Variants in MAP4 observed in about 807,000 individuals in gnomAD.
MAP4 encodes the protein microtubule associated protein 4, also known as microtubule-associated protein 4.
MAP4 carries 76 observed loss-of-function variants against 170.2 expected under a neutral mutation model. The observed-to-expected ratio is 0.45, with a 90% CI of 0.37 to 0.54. The LOEUF is 0.54. Among genes scored for constraint, MAP4 ranks in the 20% least tolerant of loss-of-function variants. The probability of loss-of-function intolerance (pLI) is 0.00; values close to 1 mark genes in which losing one functional copy is unlikely to be tolerated. For synonymous variants in MAP4, 909 were observed against 994.5 expected (o/e 0.91, Z 1.62); for missense variants, 2,506 against 2,748.0 (o/e 0.91, Z 1.97).
At chr3:48,059,613 C>T (rs1236338132) in intron 1 of MAP4, among the ~76,000 whole-genome samples, 1 of 147,748 alleles carries the variant, frequency 6.8e-6, no homozygotes, top group African/African-American at 2.5e-5. Flanking sequence ...TCCATATGAA[C>T]ACATGAAATC....
chr3:47,891,917 G>A lies in MAP4; in HGVS notation c.5434+11033C>T. The A allele has an allele frequency of 2.6e-6, 4 of 1,536,170 alleles. No individual in the cohort carries two copies. The South Asian group carries it at 3.6e-5, about 14-fold the overall frequency. On this transcript the variant is annotated intron_variant, in intron 10 of 20. Coordinates refer to ENST00000683076, the MANE Select transcript of MAP4 (RefSeq NM_001385682.1). The stretch of plus-strand genomic sequence containing the variant: ...TTCCCTTGAGCCCAGAGAGCCTTGA[G>A]CCACTGGATGAAAGCTGGGGTTCCA...
chr3:47,973,191 G>T, intron 3 of MAP4: 2 of 982,006 alleles, frequency 2.0e-6, no homozygotes, highest in Non-Finnish European at 2.4e-6. Flanking sequence ...TACAAACTTA[G>T]GTATACGAAT....
At position 47,909,995 on chromosome 3, in the gene MAP4, AT is replaced by A; in HGVS notation, c.4425del (p.Lys1475AsnfsTer3). 1 of 1,613,994 alleles carries A rather than the reference AT, an allele frequency of 6.2e-7. No individual in the cohort carries two copies. Among genetic ancestry groups the A allele is most frequent in the Non-Finnish European group, 8.5e-7 (1 of 1,179,890 alleles). On this transcript the variant is annotated frameshift_variant, in exon 9 of 21. Transcript: ENST00000683076. LOFTEE classifies it high-confidence loss of function. The stretch of plus-strand genomic sequence containing the variant: ...TTGGTGTAGTTATCTACCATTAATG[AT>A]TTGGAAATCTGGGCTGGGGCTATCT... Reference protein sequence around the residue: ...GQEIAPAQISKSLMVDNYTKD... With the variant: ...GQEIAPAQISXSLMVDNYTKD...
At chr3:48,005,887 C>T (rs1458601489) in intron 1 of MAP4, among the ~76,000 whole-genome samples, 2 of 152,220 alleles carry the variant, frequency 1.3e-5, no homozygotes, top group African/African-American at 4.8e-5. Context: ...AGGGGAATAA[C>T]TGGATCCCAA....
intron 3 of MAP4, chr3:47,973,768 G>GT: frequency 1.0e-6 from 1 of 985,378 alleles, no homozygotes; most frequent in Non-Finnish European, 1.2e-6. Context: ...ACTACTACCA[G>GT]TTTTGAAAAG....
At chr3:47,926,876 A>C (rs2100046305) in intron 4 of MAP4, among the ~76,000 whole-genome samples, 1 of 152,070 alleles carries the variant, frequency 6.6e-6, no homozygotes, top group South Asian at 2.1e-4. Context: ...TGGTACTGTG[A>C]ATTATTGGCC....
intron 1 of MAP4, among the ~76,000 whole-genome samples, chr3:48,065,488 C>A (rs574999250): frequency 6.6e-6 from 1 of 152,134 alleles, no homozygotes; most frequent in Admixed American, 6.5e-5. Flanking sequence ...GAAATCAAGG[C>A]CCTGGGCCCT....
chr3:48,068,012 C>A (rs1462564685), intron 1 of MAP4, among the ~76,000 whole-genome samples: 3 of 151,906 alleles, frequency 2.0e-5, no homozygotes, highest in Non-Finnish European at 4.4e-5. Flanking sequence ...TACCTGTAAT[C>A]CCAGCACTTT....
chr3:47,987,157 C>T (rs1172208178), intron 2 of MAP4, among the ~76,000 whole-genome samples: 1 of 152,146 alleles, frequency 6.6e-6, no homozygotes, highest in East Asian at 1.9e-4. Context: ...GTCACTGTAA[C>T]CTTTGATTTC....
intron 2 of MAP4, among the ~76,000 whole-genome samples, chr3:47,997,837 A>G (rs1450004658): frequency 6.6e-6 from 1 of 152,186 alleles, no homozygotes; most frequent in Non-Finnish European, 1.5e-5. Context: ...TTATGCCAGG[A>G]AAGGGACCAA....
At chr3:47,896,070 G>C (rs1189051530) in intron 10 of MAP4, among the ~76,000 whole-genome samples, 1 of 152,176 alleles carries the variant, frequency 6.6e-6, no homozygotes, top group Non-Finnish European at 1.5e-5. Context: ...AAGACATCAT[G>C]TCAGCCAGGT....
At chr3:47,893,500 C>A (rs73087122) in intron 10 of MAP4, among the ~76,000 whole-genome samples, 1 of 152,142 alleles carries the variant, frequency 6.6e-6, no homozygotes, top group Non-Finnish European at 1.5e-5. Flanking sequence ...GAGCTTACTG[C>A]CCCCATTTAA....
intron 3 of MAP4, among the ~76,000 whole-genome samples, chr3:47,936,250 G>A (rs191927129): frequency 5.3e-4 from 80 of 151,850 alleles, no homozygotes; most frequent in Non-Finnish European, 9.4e-4. Flanking sequence ...CCCGACCAAC[G>A]TGGTGAAAAC....
chr3:47,996,553 T>A (rs1290688114), intron 2 of MAP4, among the ~76,000 whole-genome samples: 1 of 152,006 alleles, frequency 6.6e-6, no homozygotes, highest in Admixed American at 6.6e-5. Flanking sequence ...ACTCTAAGCA[T>A]AGAATTAAAG....
chr3:47,924,958 C>T (rs1426084957), intron 4 of MAP4, among the ~76,000 whole-genome samples: 2 of 151,968 alleles, frequency 1.3e-5, no homozygotes, highest in Non-Finnish European at 2.9e-5. Context: ...CTACAGGCAT[C>T]CGCCACCACA....
At chr3:47,875,977 T>G in intron 11 of MAP4, 77 bp from the exon 12 acceptor site, 1 of 1,087,792 alleles carries the variant, frequency 9.2e-7, no homozygotes, top group Non-Finnish European at 1.4e-6. Context: ...TAAAAACAAA[T>G]TAAAAAAAGT....
intron 17 of MAP4, among the ~76,000 whole-genome samples, chr3:47,866,638 C>A (rs770595575): frequency 6.6e-6 from 1 of 151,684 alleles, no homozygotes; most frequent in Non-Finnish European, 1.5e-5. Flanking sequence ...CCTGCAGTCC[C>A]GGCTACTCGG....
At chr3:47,883,973 C>T (rs997323709) in intron 10 of MAP4, among the ~76,000 whole-genome samples, 3 of 152,078 alleles carry the variant, frequency 2.0e-5, no homozygotes, top group African/African-American at 7.2e-5. Context: ...GGCATGATTT[C>T]TCCACATTTA....
At chr3:48,071,549 A>G (rs2100141034) in intron 1 of MAP4, among the ~76,000 whole-genome samples, 1 of 152,144 alleles carries the variant, frequency 6.6e-6, no homozygotes, top group African/African-American at 2.4e-5. Flanking sequence ...GACCCATCTC[A>G]AGAAAAAAAG....
Sources: allele counts gnomAD v4.1 joint callset (sites outside exome capture counted in the v4.1 genomes callset), GRCh38; gene constraint gnomAD v4.1.1; transcripts MANE v1.5; gene names NCBI Gene and HGNC (gene_info 2026-07-23, HGNC 2026-07-21).